The following STK39 variants were observed in gnomAD, a reference collection of about 807,000 sequenced individuals.
STK39 encodes serine/threonine kinase 39.
A neutral mutation model predicts 77.8 loss-of-function variants in STK39; 20 were observed. The ratio of observed to expected loss-of-function variants is 0.26; its 90% CI spans 0.18 to 0.37. The LOEUF (loss-of-function observed/expected upper bound fraction) is 0.37. Among genes scored for constraint, STK39 ranks in the 10% least tolerant of loss-of-function variants. STK39 has a pLI of 1.00. For missense variants in STK39, 479 were observed against 656.5 expected (o/e 0.73, Z 2.95); for synonymous variants, 246 against 234.1 (o/e 1.05, Z -0.47).
At chr2:168,164,090 C>T (rs1025083683) in intron 3 of STK39, among the ~76,000 whole-genome samples, 8 of 152,282 alleles carry the variant, frequency 5.3e-5, no homozygotes, top group Non-Finnish European at 7.4e-5. Context: ...GTGAATTTAA[C>T]GAGAAGGATT....
Position 168,218,695 on chromosome 2 carries a change from C to T in STK39, c.208+28533G>A, listed in dbSNP as rs1033387278. ...AACAAACAGAAGAACACAGAATACA[C>T]TCCTCCTCCACCCCCAAAAAAATCA... On this transcript the variant is annotated intron_variant, in intron 1 of 17. Transcript: ENST00000355999. 2.0e-5 allele frequency among the ~76,000 whole-genome samples: 3 copies of T among 152,168 alleles called. No homozygotes were observed. In the South Asian group the frequency reaches 6.2e-4, roughly 32 times the overall value.
intron 16 of STK39, among the ~76,000 whole-genome samples, chr2:167,970,577 G>A (rs7566359): frequency 0.17 from 26,017 of 152,208 alleles, 2,503 homozygotes; most frequent in African/African-American, 0.24. Context: ...TTCTACAAAC[G>A]TTTGTCTCCT....
intron 1 of STK39, among the ~76,000 whole-genome samples, chr2:168,199,100 T>G (rs1689546220): frequency 6.6e-6 from 1 of 152,222 alleles, no homozygotes; most frequent in Admixed American, 6.5e-5. Context: ...GACTTCAGGC[T>G]TCAGGCAATG....
At chr2:168,166,610 TCA>T (rs1313450604) in intron 3 of STK39, among the ~76,000 whole-genome samples, 1 of 152,200 alleles carries the variant, frequency 6.6e-6, no homozygotes, top group African/African-American at 2.4e-5. Flanking sequence ...TAGACAATCT[TCA>T]CAAAGTCCAC....
chr2:168,171,663 A>AT (rs1440416042), intron 2 of STK39, among the ~76,000 whole-genome samples: 1 of 151,804 alleles, frequency 6.6e-6, no homozygotes, highest in African/African-American at 2.4e-5. Flanking sequence ...ATTTTTAAAA[A>AT]TTTTTTGTAG....
intron 16 of STK39, among the ~76,000 whole-genome samples, chr2:167,970,518 C>T (rs1692304590): frequency 6.6e-6 from 1 of 152,206 alleles, no homozygotes; most frequent in Non-Finnish European, 1.5e-5. Context: ...ACACTAAGAA[C>T]CCCAAATTGA....
intron 2 of STK39, among the ~76,000 whole-genome samples, chr2:168,169,391 T>G (rs374028523): frequency 6.6e-6 from 1 of 152,194 alleles, no homozygotes; most frequent in East Asian, 1.9e-4. Flanking sequence ...ACGAGAACAA[T>G]GTCTCTTAAA....
intron 5 of STK39, among the ~76,000 whole-genome samples, chr2:168,152,462 T>C (rs920918068): frequency 7.2e-5 from 11 of 152,208 alleles, no homozygotes; most frequent in African/African-American, 2.2e-4. Context: ...CAATCTTCCT[T>C]ACTTTACAAC....
chr2:168,152,329 C>T (rs781673495), intron 5 of STK39, among the ~76,000 whole-genome samples: 4 of 152,206 alleles, frequency 2.6e-5, no homozygotes, highest in Non-Finnish European at 5.9e-5. Flanking sequence ...CCTCTCTACA[C>T]CCAAGACAAT....
intron 14 of STK39, among the ~76,000 whole-genome samples, chr2:168,053,695 C>T (rs1388785426): frequency 6.6e-6 from 1 of 152,172 alleles, no homozygotes; most frequent in Non-Finnish European, 1.5e-5. Flanking sequence ...TCCCTTATAC[C>T]AATTTTTTCT....
intron 14 of STK39, among the ~76,000 whole-genome samples, chr2:168,018,253 A>T (rs887892923): frequency 2.0e-5 from 3 of 152,228 alleles, no homozygotes; most frequent in Non-Finnish European, 2.9e-5. Context: ...TAATCCCAGA[A>T]CTTTGAGAGG....
intron 1 of STK39, among the ~76,000 whole-genome samples, chr2:168,207,310 G>T (rs1396695610): frequency 6.6e-6 from 1 of 152,128 alleles, no homozygotes. Context: ...CCCTAACGAG[G>T]GAAGTAACTG....
chr2:168,167,384 C>G lies in STK39; in HGVS notation c.345G>C (p.Gln115His). 2 of 1,613,650 alleles carry G rather than the reference C, an allele frequency of 1.2e-6. No individual in the cohort carries two copies. The highest frequency in any genetic ancestry group is 1.7e-6 in the Non-Finnish European group (2 of 1,179,696). ...ELLKEIQAMS[Q>H]CSHPNVVTYY... is the part of the protein sequence containing the mutation. ...AGGTCACTACGTTGGGATGGCTGCA[C>G]TGACTCATGGCTTGAATTTCTTTCT... Residue 115 changes from glutamine to histidine, a missense_variant, in exon 3 of 18, where the codon CAG (glutamine) becomes CAC (histidine). Transcript: ENST00000355999.
intron 1 of STK39, among the ~76,000 whole-genome samples, chr2:168,240,345 G>A (rs1355977419): frequency 6.6e-6 from 1 of 152,176 alleles, no homozygotes; most frequent in Non-Finnish European, 1.5e-5. Flanking sequence ...CAAGAATTTT[G>A]GTATAGCAGT....
intron 16 of STK39, among the ~76,000 whole-genome samples, chr2:167,979,397 G>C (rs1184445127): frequency 2.6e-5 from 4 of 152,162 alleles, no homozygotes. Flanking sequence ...GTGGTATCCT[G>C]TAATAAGTTT....
intron 14 of STK39, among the ~76,000 whole-genome samples, chr2:168,047,724 G>A (rs982246264): frequency 1.3e-5 from 2 of 152,188 alleles, no homozygotes; most frequent in Non-Finnish European, 2.9e-5. Flanking sequence ...CCTCCCCAGG[G>A]CCCTCTGTGT....
At chr2:168,144,975 T>C (rs1688097727) in intron 5 of STK39, among the ~76,000 whole-genome samples, 1 of 146,930 alleles carries the variant, frequency 6.8e-6, no homozygotes, top group East Asian at 2.0e-4. Flanking sequence ...AGTGAGCCCG[T>C]CTCAGAAAAA....
intron 14 of STK39, among the ~76,000 whole-genome samples, chr2:168,021,211 T>C (rs1370333536): frequency 6.6e-6 from 1 of 152,180 alleles, no homozygotes; most frequent in East Asian, 1.9e-4. Flanking sequence ...AATATCACTA[T>C]GCATATCCTG....
intron 1 of STK39, among the ~76,000 whole-genome samples, chr2:168,205,535 T>C (rs1689719482): frequency 6.6e-6 from 1 of 152,176 alleles, no homozygotes; most frequent in African/African-American, 2.4e-5. Context: ...GCTGGCACAG[T>C]GGCTCATGCC....
Sources: gnomAD v4.1 joint callset for allele counts (sites outside exome capture counted in the v4.1 genomes callset) on GRCh38, gnomAD v4.1.1 for gene constraint, MANE v1.5 for transcripts, NCBI Gene and HGNC (gene_info 2026-07-23, HGNC 2026-07-21) for gene names.